The following NAV1 variants were observed in gnomAD, a reference collection of about 807,000 sequenced individuals.
NAV1 encodes the protein pore membrane and/or filament interacting like protein 3.
NAV1 carries 18 observed loss-of-function variants against 175.2 expected under a neutral mutation model. That is an observed-to-expected ratio of 0.10 (90% CI 0.07 to 0.15). The LOEUF is 0.15. Ranked by LOEUF, NAV1 falls within the 10% of genes least tolerant of loss-of-function variation. The pLI is 1.00. For missense variants in NAV1, 1,731 were observed against 2,436.6 expected, an observed-to-expected ratio of 0.71 and a Z score of 6.10; for synonymous variants, 897 against 978.7, an observed-to-expected ratio of 0.92 and a Z score of 1.56.
chr1:201,547,346 A>G (rs1665703898), intron 1 of NAV1, among the ~76,000 whole-genome samples: 1 of 152,182 alleles, frequency 6.6e-6, no homozygotes, highest in South Asian at 2.1e-4. Context: ...TTAGTACTGG[A>G]TTTAACAGAA....
chr1:201,615,195 T>C (rs1030250773), intron 2 of NAV1, among the ~76,000 whole-genome samples: 1 of 152,130 alleles, frequency 6.6e-6, no homozygotes, highest in East Asian at 1.9e-4. Context: ...AACTTCCCTT[T>C]GGGAGGACGG....
chr1:201,724,737 T>C (rs1672529599), intron 3 of NAV1: 1 of 152,674 alleles, frequency 6.5e-6, no homozygotes, highest in African/African-American at 2.4e-5. Context: ...CTTGGCGACT[T>C]CTGCCACACC....
At chr1:201,793,743 T>A (rs745964557) in intron 13 of NAV1, 49 bp from the exon 18 acceptor site, 4 of 1,545,650 alleles carry the variant, frequency 2.6e-6, no homozygotes, top group Non-Finnish European at 3.6e-6. Context: ...GTTATTGCCT[T>A]TCCCCCAGCC....
chr1:201,632,840 G>C (rs1009555684), intron 2 of NAV1, among the ~76,000 whole-genome samples: 1 of 152,186 alleles, frequency 6.6e-6, no homozygotes, highest in Non-Finnish European at 1.5e-5. Flanking sequence ...CTCCCTTGTT[G>C]AGCTGGCTCC....
At chr1:201,578,640 A>G (rs1368689225) in intron 1 of NAV1, among the ~76,000 whole-genome samples, 1 of 152,108 alleles carries the variant, frequency 6.6e-6, no homozygotes, top group Non-Finnish European at 1.5e-5. Context: ...CTTCTCTGAC[A>G]CCACCCTAGT....
intron 2 of NAV1, among the ~76,000 whole-genome samples, chr1:201,716,072 A>G (rs900688527): frequency 2.0e-5 from 3 of 152,140 alleles, no homozygotes; most frequent in African/African-American, 7.2e-5. Flanking sequence ...ACAAATAACT[A>G]AACAGGGGCA....
rs1666549857 is a variant in NAV1 at position 201,571,712 on chromosome 1, CT to C, written c.-143-16823del. On this transcript the variant is annotated intron_variant, in intron 1 of 33. Coordinates refer to the NAV1 transcript ENST00000685211. Reference sequence around the variant, plus strand: ...GAATTGCTTATTATGACCTTTTTTTCTTTTGCAGCAAATTTCCCTTCCTAAT... The same window carrying C: ...GAATTGCTTATTATGACCTTTTTTTCTTTGCAGCAAATTTCCCTTCCTAAT... Among the ~76,000 whole-genome samples the C allele has an allele frequency of 2.6e-5, 4 of 152,208 alleles. 1 individual carries two copies. The South Asian group carries it at 8.3e-4, about 32-fold the overall frequency.
chr1:201,793,918 G>T, intron 14 of NAV1, 43 bp downstream of exon 18: 1 of 1,487,982 alleles, frequency 6.7e-7, no homozygotes, highest in South Asian at 1.2e-5. Flanking sequence ...GTGCGGCGAG[G>T]GGGTTCTCCT....
At chr1:201,678,628 C>T (rs1670352449) in intron 1 of NAV1, among the ~76,000 whole-genome samples, 2 of 152,182 alleles carry the variant, frequency 1.3e-5, no homozygotes, top group Non-Finnish European at 2.9e-5. Flanking sequence ...GTAACTGTAT[C>T]AGCAATTTTG....
At chr1:201,541,737 G>A (rs1474384641) in intron 1 of NAV1, among the ~76,000 whole-genome samples, 1 of 152,180 alleles carries the variant, frequency 6.6e-6, no homozygotes, top group Non-Finnish European at 1.5e-5. Context: ...TCATGCCATT[G>A]CACTCCAGCC....
chr1:201,542,770 A>C (rs548517228), intron 1 of NAV1, among the ~76,000 whole-genome samples: 59 of 152,378 alleles, frequency 3.9e-4, no homozygotes, highest in Non-Finnish European at 6.8e-4. Context: ...TAATATGCAT[A>C]TAAAATTAAA....
upstream of NAV1, among the ~76,000 whole-genome samples, chr1:201,647,544 C>A (rs1669014604): frequency 6.6e-6 from 1 of 152,106 alleles, no homozygotes. Context: ...GGAATAGAAA[C>A]CCAGTTTCCT....
chr1:201,706,263 G>GTA (rs1219114366), intron 1 of NAV1, among the ~76,000 whole-genome samples: 2 of 150,660 alleles, frequency 1.3e-5, no homozygotes, highest in Admixed American at 1.3e-4. Context: ...GGGTGTGTGT[G>GTA]TGTGTGTGTG....
intron 1 of NAV1, among the ~76,000 whole-genome samples, chr1:201,655,286 T>G (rs894355580): frequency 6.6e-6 from 1 of 151,762 alleles, no homozygotes; most frequent in African/African-American, 2.4e-5. Flanking sequence ...GCCCAAAGCC[T>G]TCTCCCTCTG....
chr1:201,792,924 C>T (rs1248698666), intron 13 of NAV1: 1 of 152,216 alleles, frequency 6.6e-6, no homozygotes, highest in Non-Finnish European at 1.5e-5. Flanking sequence ...TTTCCTAGAG[C>T]TCTGCATGAA....
chr1:201,647,878 C>A (rs963841874), upstream of NAV1, among the ~76,000 whole-genome samples: 1 of 152,168 alleles, frequency 6.6e-6, no homozygotes, highest in African/African-American at 2.4e-5. Flanking sequence ...TTTACCTGCA[C>A]CTCCACACCT....
chr1:201,602,779 G>A (rs1481992435), intron 2 of NAV1, among the ~76,000 whole-genome samples: 1 of 151,814 alleles, frequency 6.6e-6, no homozygotes, highest in African/African-American at 2.4e-5. Flanking sequence ...AGGGGGACAG[G>A]GCTGGAAACC....
At chr1:201,697,637 T>C (rs1442152581) in intron 1 of NAV1, among the ~76,000 whole-genome samples, 1 of 152,222 alleles carries the variant, frequency 6.6e-6, no homozygotes, top group Non-Finnish European at 1.5e-5. Context: ...TGACTTTTGA[T>C]GAGTTTTAAC....
chr1:201,666,173 C>T (rs532920769), intron 1 of NAV1, among the ~76,000 whole-genome samples: 8 of 152,142 alleles, frequency 5.3e-5, no homozygotes, highest in African/African-American at 1.2e-4. Flanking sequence ...ACTGGGCCTC[C>T]GATCTGCCCA....
Sources: gnomAD v4.1 joint callset for allele counts (sites outside exome capture counted in the v4.1 genomes callset) on GRCh38, gnomAD v4.1.1 for gene constraint, MANE v1.5 for transcripts, NCBI Gene and HGNC (gene_info 2026-07-23, HGNC 2026-07-21) for gene names.